Variants in AMOTL1 observed in about 807,000 individuals in gnomAD.
AMOTL1 encodes angiomotin-like protein 1.
A neutral mutation model predicts 102.9 loss-of-function variants in AMOTL1; 45 were observed. That is an observed-to-expected ratio of 0.44 (90% CI 0.34 to 0.56). The LOEUF (loss-of-function observed/expected upper bound fraction) is 0.56. AMOTL1 is among the 20% of genes least tolerant of loss of function. The pLI, the probability that AMOTL1 is intolerant of heterozygous loss-of-function variation, is 0.01. For missense variants in AMOTL1, 1,114 were observed against 1,225.6 expected, an observed-to-expected ratio of 0.91 and a Z score of 1.36; for synonymous variants, 481 against 484.7, an observed-to-expected ratio of 0.99 and a Z score of 0.10.
At chr11:94,829,259 G>A (rs1046513253) in intron 4 of AMOTL1, among the ~76,000 whole-genome samples, 5 of 135,666 alleles carry the variant, frequency 3.7e-5, no homozygotes, top group Non-Finnish European at 7.7e-5. Flanking sequence ...ATCTCACTCT[G>A]TTGCCCTAGG....
At chr11:94,805,933 T>A (rs1354151187) in intron 3 of AMOTL1, among the ~76,000 whole-genome samples, 1 of 152,206 alleles carries the variant, frequency 6.6e-6, no homozygotes, top group Non-Finnish European at 1.5e-5. Flanking sequence ...TTCTTTCTCA[T>A]CAGGGCAGGG....
At chr11:94,810,101 T>G (rs1314806002) in intron 3 of AMOTL1, among the ~76,000 whole-genome samples, 1 of 152,208 alleles carries the variant, frequency 6.6e-6, no homozygotes, top group African/African-American at 2.4e-5. Flanking sequence ...ATTTGCATAT[T>G]AAAGGGCCAA....
At chr11:94,853,004 T>TA (rs1188473608) in intron 7 of AMOTL1, among the ~76,000 whole-genome samples, 1 of 152,206 alleles carries the variant, frequency 6.6e-6, no homozygotes, top group African/African-American at 2.4e-5. Context: ...CATTCCTGCC[T>TA]TTTTTTCATG....
At chr11:94,800,757 C>G (rs917785649) in intron 3 of AMOTL1, among the ~76,000 whole-genome samples, 2 of 152,148 alleles carry the variant, frequency 1.3e-5, no homozygotes, top group Non-Finnish European at 2.9e-5. Context: ...TCACATAGTC[C>G]CATCCCTCAC....
At chr11:94,826,917 C>T (rs1461280834) in intron 4 of AMOTL1, among the ~76,000 whole-genome samples, 2 of 152,088 alleles carry the variant, frequency 1.3e-5, no homozygotes, top group African/African-American at 2.4e-5. Context: ...AGCAGATAAC[C>T]TTATGTCAGG....
At chr11:94,781,994 T>C (rs747618729) in intron 1 of AMOTL1, among the ~76,000 whole-genome samples, 4 of 152,242 alleles carry the variant, frequency 2.6e-5, no homozygotes, top group African/African-American at 7.2e-5. Flanking sequence ...GTTGAGGCAG[T>C]ACAGATGATT....
At chr11:94,754,012 G>A (rs540560473) in intron 3 of AMOTL1, among the ~76,000 whole-genome samples, 1 of 152,266 alleles carries the variant, frequency 6.6e-6, no homozygotes, top group East Asian at 1.9e-4. Flanking sequence ...CATGACCTTG[G>A]GCAAGTGATC....
chr11:94,811,965 A>C lies in AMOTL1; in HGVS notation c.1122-9565A>C, dbSNP rs528667202. ...AGGAGTTACCTGCACTCCATCATGC[A>C]GAAAAACTTGTCTTCCTTGTTGGAA... On this transcript the variant is annotated intron_variant, in intron 3 of 12. Coordinates refer to ENST00000433060, the MANE Select transcript of AMOTL1 (RefSeq NM_130847.3). 1.5e-3 allele frequency among the ~76,000 whole-genome samples: 236 copies of C among 152,336 alleles called. 1 individual carries two copies. The highest frequency in any genetic ancestry group is 2.7e-3 in the Non-Finnish European group (183 of 68,030).
chr11:94,875,176 T>A lies in AMOTL1; in HGVS notation c.*4381T>A, dbSNP rs1030849617. The A allele has an allele frequency of 6.6e-6, 1 of 152,256 alleles. No homozygotes were observed. Among genetic ancestry groups the A allele is most frequent in the Admixed American group, 6.5e-5 (1 of 15,282 alleles). 9.4% of individuals were successfully genotyped at this position (152,256 alleles called of 1,614,324 possible). On this transcript the variant is annotated 3_prime_UTR_variant, in exon 13 of 13. Transcript: ENST00000433060. ...ATGTCTTCATTAGATGTGACGATTG[T>A]TTAATGAGTTTGCCTCTGACGTGTG...
chr11:94,777,889 G>A (rs1026049779), intron 1 of AMOTL1, among the ~76,000 whole-genome samples: 3 of 152,114 alleles, frequency 2.0e-5, no homozygotes, highest in African/African-American at 7.2e-5. Context: ...ATTTGATGGG[G>A]TTACAATAAA....
At chr11:94,810,397 C>CT (rs575354745) in intron 3 of AMOTL1, among the ~76,000 whole-genome samples, 170 of 149,252 alleles carry the variant, frequency 1.1e-3, no homozygotes, top group Middle Eastern at 7.0e-3. Flanking sequence ...TCATAGTGCA[C>CT]TTTTTTTCAA....
chr11:94,800,043 G>A lies in AMOTL1; in HGVS notation c.853G>A (p.Gly285Arg), dbSNP rs1305743212. 1.2e-6 allele frequency: 2 copies of A among 1,613,928 alleles called. No individual in the cohort carries two copies. Among genetic ancestry groups the A allele is most frequent in the Non-Finnish European group, 1.7e-6 (2 of 1,179,900 alleles). Residue 285 changes from glycine to arginine, a missense_variant, in exon 3 of 13, where the codon GGA becomes AGA. Gly to Arg is a moderately radical substitution (Grantham distance 125). Coordinates refer to ENST00000433060, the MANE Select transcript of AMOTL1 (RefSeq NM_130847.3). The stretch of plus-strand genomic sequence containing the variant: ...GCAACACCTTCCCGGCTCGGGGAAT[G>A]GAAAGGGCTTCAAAGTAGGAGGGGG... The part of the protein sequence containing the change: ...AKQHLPGSGN[G>R]KGFKVGGGPS...
chr11:94,724,654 T>G (rs141706429), intron 1 of AMOTL1, among the ~76,000 whole-genome samples: 129 of 152,262 alleles, frequency 8.5e-4, no homozygotes, highest in African/African-American at 3.0e-3. Flanking sequence ...TCCTCAAGTT[T>G]GAAAGCTACT....
chr11:94,707,274 G>C (rs1178487707), intron 1 of AMOTL1, among the ~76,000 whole-genome samples: 1 of 151,692 alleles, frequency 6.6e-6, no homozygotes, highest in Non-Finnish European at 1.5e-5. Context: ...GTGTGTGTGT[G>C]TGTGTGTGTG....
Position 94,859,548 on chromosome 11 carries a change from C to T in AMOTL1, c.1968C>T (p.Ala656=). 6.2e-7 allele frequency: 1 copy of T among 1,612,116 alleles called. No homozygotes were observed. Among genetic ancestry groups the T allele is most frequent in the South Asian group, 1.1e-5 (1 of 90,870 alleles). Residue 656 remains alanine, a synonymous_variant, in exon 9 of 13, where the codon GCC becomes GCT. Transcript: ENST00000433060. ...AGAAACATGGAAATGGCCAGCCAGC[C>T]AACATGCCGGAATACAATGCCCCAG... ...TQQKHGNGQP[A]NMPEYNAPAL... is the part of the protein sequence containing the mutation.
upstream of AMOTL1, among the ~76,000 whole-genome samples, chr11:94,766,565 T>G (rs965870362): frequency 1.3e-5 from 2 of 152,192 alleles, no homozygotes; most frequent in African/African-American, 4.8e-5. Flanking sequence ...TTAGTTTCCT[T>G]TCTTCTTTTT....
At chr11:94,715,604 T>G (rs1277561474) in intron 1 of AMOTL1, among the ~76,000 whole-genome samples, 1 of 152,164 alleles carries the variant, frequency 6.6e-6, no homozygotes, top group East Asian at 1.9e-4. Flanking sequence ...CCTTCATTCT[T>G]GAAGGATAGT....
intron 9 of AMOTL1, among the ~76,000 whole-genome samples, chr11:94,863,279 TA>T (rs57178685): frequency 0.07 from 8,418 of 120,278 alleles, 392 homozygotes; most frequent in African/African-American, 0.15. Context: ...GGCTATTCTG[TA>T]AAAAAAAAAA....
chr11:94,810,364 T>G (rs1390787769), intron 3 of AMOTL1, among the ~76,000 whole-genome samples: 1 of 152,252 alleles, frequency 6.6e-6, no homozygotes, highest in African/African-American at 2.4e-5. Context: ...AGAACTAGTA[T>G]GGGGCTAGAC....
Sources: allele counts gnomAD v4.1 joint callset (sites outside exome capture counted in the v4.1 genomes callset), GRCh38; gene constraint gnomAD v4.1.1; transcripts MANE v1.5; gene names NCBI Gene and HGNC (gene_info 2026-07-23, HGNC 2026-07-21).